The following CCDC179 variants were observed in gnomAD, a reference collection of about 807,000 sequenced individuals.
CCDC179 encodes the protein coiled-coil domain-containing protein 179.
CCDC179 carries 17 observed loss-of-function variants against 12.0 expected under a neutral mutation model. The observed-to-expected ratio is 1.42, with a 90% CI of 0.97 to 2.13. CCDC179 has a LOEUF of 2.13. Ranked by LOEUF, CCDC179 falls within the 30% of genes most tolerant of loss-of-function variation. The probability of loss-of-function intolerance (pLI) is 0.00; values close to 1 mark genes in which losing one functional copy is unlikely to be tolerated. For synonymous variants in CCDC179, 27 were observed against 26.4 expected (o/e 1.02, Z -0.07); for missense variants, 83 against 78.6 (o/e 1.06, Z -0.21).
intron 2 of CCDC179, among the ~76,000 whole-genome samples, 162 bp downstream of exon 2, chr11:22,859,290 A>G (rs1858607610): frequency 6.6e-6 from 1 of 152,204 alleles, no homozygotes. Flanking sequence ...ACCCTAGTTA[A>G]GACCCATTCC....
At chr11:22,860,300 C>A in intron 1 of CCDC179, 77 bp downstream of exon 1, 1 of 1,468,052 alleles carries the variant, frequency 6.8e-7, no homozygotes, top group Non-Finnish European at 9.1e-7. Context: ...AGCACCATGG[C>A]CAAGGCCACA....
chr11:22,850,965 TATATA>T lies in CCDC179; in HGVS notation c.196-3449_196-3445del, dbSNP rs1342546194. Reference sequence around the variant, plus strand: ...CTATATATATATATATATATATATATATATATATATATTTTTTTTTTTTTTTTTTT... The same window carrying T: ...CTATATATATATATATATATATATATTATATATTTTTTTTTTTTTTTTTTT... On this transcript the variant is annotated intron_variant, in intron 3 of 3. Coordinates refer to ENST00000532798, the MANE Select transcript of CCDC179 (RefSeq NM_001195637.2). Among the ~76,000 whole-genome samples, 30 of 22,578 alleles carry T rather than the reference TATATA, an allele frequency of 1.3e-3. 1 individual carries two copies. The highest frequency in any genetic ancestry group is 3.2e-3 in the African/African-American group (22 of 6,914). 14.8% of individuals were successfully genotyped at this position (22,578 alleles called of 152,430 possible).
chr11:22,849,552 G>A (rs996054267), intron 3 of CCDC179, among the ~76,000 whole-genome samples: 1 of 152,092 alleles, frequency 6.6e-6, no homozygotes, highest in Non-Finnish European at 1.5e-5. Flanking sequence ...GGGGGAACAG[G>A]TGGTTTTGGT....
chr11:22,849,500 T>G (rs1858319124), intron 3 of CCDC179, among the ~76,000 whole-genome samples: 1 of 151,666 alleles, frequency 6.6e-6, no homozygotes, highest in South Asian at 2.1e-4. Flanking sequence ...AAGGGGGAGC[T>G]TTTTTCAGTT....
intron 1 of CCDC179, 138 bp downstream of exon 1, chr11:22,860,239 C>T (rs1381930790): frequency 8.7e-6 from 8 of 922,182 alleles, no homozygotes; most frequent in African/African-American, 1.7e-5. Context: ...CTGTCTACAT[C>T]ACCTGGAATT....
In CCDC179 at chr11:22,847,465, A is replaced by G. The variant is rs1858249460; in HGVS notation, c.*45T>C. 1 of 1,326,368 alleles carries G rather than the reference A, an allele frequency of 7.5e-7. No individual in the cohort carries two copies. 82.2% of individuals were successfully genotyped at this position (1,326,368 alleles called of 1,614,324 possible). On this transcript the variant is annotated 3_prime_UTR_variant, in exon 4 of 4. Coordinates refer to ENST00000532798, the MANE Select transcript of CCDC179 (RefSeq NM_001195637.2). ...GTCACTTGATGTTCACAATCCACAT[A>G]TTTCTGTCTGGAGCATGGTTTCCTT...
rs1265807001 is a variant in CCDC179, at chr11:22,850,963, TATATATATATATA to T, written c.196-3455_196-3443del. On this transcript the variant is annotated intron_variant, in intron 3 of 3. Transcript: ENST00000532798. ...GGCTATATATATATATATATATATA[TATATATATATATA>T]TTTTTTTTTTTTTTTTTTTTTTTTG... is the stretch of plus-strand genomic sequence containing the variant. Among the ~76,000 whole-genome samples, 181 of 19,744 alleles carry T rather than the reference TATATATATATATA, an allele frequency of 9.2e-3. 9 individuals carry two copies. The highest frequency in any genetic ancestry group is 0.017 in the Middle Eastern group (1 of 60). The allele number at this position is 19,744 out of a possible 152,430, so 13.0% of individuals were successfully genotyped here.
Position 22,850,624 on chromosome 11 carries a change from A to G in CCDC179, c.196-3103T>C, listed in dbSNP as rs573042399. On this transcript the variant is annotated intron_variant, in intron 3 of 3. Transcript: ENST00000532798. Reference sequence around the variant, plus strand: ...AGATACCCAGTAGTGGGATTGCTGGATCAAATGGTAGTTCTAATTTTAGTT... The same window carrying G: ...AGATACCCAGTAGTGGGATTGCTGGGTCAAATGGTAGTTCTAATTTTAGTT... Among the ~76,000 whole-genome samples the G allele has an allele frequency of 4.0e-3, 607 of 152,202 alleles. 3 individuals are homozygous for G. Among genetic ancestry groups the G allele is most frequent in the African/African-American group, 0.014 (575 of 41,534 alleles).
chr11:22,859,466 C>T lies in CCDC179; in HGVS notation c.76G>A (p.Val26Ile). 2 of 1,501,284 alleles carry T rather than the reference C, an allele frequency of 1.3e-6. No homozygotes were observed. Among genetic ancestry groups the T allele is most frequent in the South Asian group, 1.3e-5 (1 of 75,870 alleles). 93.0% of individuals were successfully genotyped at this position (1,501,284 alleles called of 1,614,324 possible). The stretch of plus-strand genomic sequence containing the variant: ...TTAAACATTACCTGCCGCTCAGTGA[C>T]CTCTGAAGGATGATGTTGTCTTGGT... Reference protein sequence around the residue: ...EGPRQHHPSEVTERQLANKRI... With the variant: ...EGPRQHHPSEITERQLANKRI... Residue 26 changes from valine to isoleucine, a missense_variant, in exon 2 of 4, where the codon GTC becomes ATC. Val to Ile is a conservative substitution (Grantham distance 29). Coordinates refer to ENST00000532798, the MANE Select transcript of CCDC179 (RefSeq NM_001195637.2).
At chr11:22,851,166 A>C (rs1026359535) in intron 3 of CCDC179, among the ~76,000 whole-genome samples, 2 of 150,818 alleles carry the variant, frequency 1.3e-5, no homozygotes, top group African/African-American at 4.9e-5. Flanking sequence ...AAACACTGGT[A>C]TATCAGCAAG....
Position 22,859,437 on chromosome 11 carries a change from T to G in CCDC179, c.90+15A>C. The G allele has an allele frequency of 6.8e-7, 1 of 1,479,682 alleles. No individual in the cohort carries two copies. Among genetic ancestry groups the G allele is most frequent in the Non-Finnish European group, 9.0e-7 (1 of 1,114,714 alleles). 91.7% of individuals were successfully genotyped at this position (1,479,682 alleles called of 1,614,324 possible). A position where few individuals can be genotyped will look rare whatever the true frequency, so the allele number is the denominator to read the frequency against. ...GTTTAAACAACCAGAACCTAGTTCT[T>G]TATTTAAACATTACCTGCCGCTCAG... On this transcript the variant is annotated intron_variant, in intron 2 of 3. Coordinates refer to ENST00000532798, the MANE Select transcript of CCDC179 (RefSeq NM_001195637.2).
chr11:22,857,913 T>C lies in CCDC179; in HGVS notation c.195+9A>G. Reference sequence around the variant, plus strand: ...GATCTGTTAATTTCAGTGAAACCTCTATACTTACTAGGAGTCCTGGTTCTG... The same window carrying C: ...GATCTGTTAATTTCAGTGAAACCTCCATACTTACTAGGAGTCCTGGTTCTG... On this transcript the variant is annotated intron_variant, in intron 3 of 3. Coordinates refer to ENST00000532798, the MANE Select transcript of CCDC179 (RefSeq NM_001195637.2). 1 of 1,392,772 alleles carries C rather than the reference T, an allele frequency of 7.2e-7. No individual in the cohort carries two copies. Among genetic ancestry groups the C allele is most frequent in the Non-Finnish European group, 9.7e-7 (1 of 1,034,202 alleles). The allele number at this position is 1,392,772 out of a possible 1,614,324, so 86.3% of individuals were successfully genotyped here.
At chr11:22,852,262 G>A (rs376882074) in intron 3 of CCDC179, among the ~76,000 whole-genome samples, 1 of 152,228 alleles carries the variant, frequency 6.6e-6, no homozygotes, top group African/African-American at 2.4e-5. Context: ...GCTGCCCTTG[G>A]TTATTCCAGG....
At chr11:22,850,550 A>G (rs116209167) in intron 3 of CCDC179, among the ~76,000 whole-genome samples, 2,782 of 152,224 alleles carry the variant, frequency 0.018, 75 homozygotes, top group African/African-American at 0.064. Flanking sequence ...TTCTATAAAC[A>G]TGCATGTGTA....
intron 3 of CCDC179, among the ~76,000 whole-genome samples, chr11:22,850,966 A>G (rs1321471882): frequency 3.0e-4 from 2 of 6,712 alleles, no homozygotes; most frequent in African/African-American, 5.0e-4. Context: ...ATATATATAT[A>G]TATATATATA....
intron 3 of CCDC179, among the ~76,000 whole-genome samples, chr11:22,848,024 AC>A (rs1455879816): frequency 6.6e-6 from 1 of 152,242 alleles, no homozygotes; most frequent in Non-Finnish European, 1.5e-5. Context: ...CAAATAAAAG[AC>A]AAGAAAAATG....
At chr11:22,852,621 G>A (rs149981633) in intron 3 of CCDC179, among the ~76,000 whole-genome samples, 167 of 152,280 alleles carry the variant, frequency 1.1e-3, no homozygotes, top group South Asian at 8.9e-3. Context: ...CACCTCATGA[G>A]GAGGCATTTT....
At chr11:22,856,513 C>G (rs1488367482) in intron 3 of CCDC179, among the ~76,000 whole-genome samples, 1 of 151,454 alleles carries the variant, frequency 6.6e-6, no homozygotes, top group Non-Finnish European at 1.5e-5. Flanking sequence ...ATGTCTTTCA[C>G]TTCATAAGGA....
intron 2 of CCDC179, among the ~76,000 whole-genome samples, 169 bp downstream of exon 2, chr11:22,859,283 C>T (rs989842535): frequency 1.3e-5 from 2 of 152,140 alleles, no homozygotes; most frequent in African/African-American, 2.4e-5. Context: ...TTAGTTTACC[C>T]TAGTTAAGAC....
Sources: gnomAD v4.1 joint callset for allele counts (sites outside exome capture counted in the v4.1 genomes callset) on GRCh38, gnomAD v4.1.1 for gene constraint, MANE v1.5 for transcripts, NCBI Gene and HGNC (gene_info 2026-07-23, HGNC 2026-07-21) for gene names.